PRKAG2: variants seen among roughly 807,000 people sequenced by gnomAD.
PRKAG2 encodes the protein 5'-AMP-activated protein kinase subunit gamma-2.
Under a neutral mutation model 69.6 loss-of-function variants are expected in PRKAG2, and 26 were observed. The ratio of observed to expected loss-of-function variants is 0.37; its 90% CI spans 0.27 to 0.52. The LOEUF is 0.52. Ranked by LOEUF, PRKAG2 falls within the 20% of genes least tolerant of loss-of-function variation. The pLI, the probability that PRKAG2 is intolerant of heterozygous loss-of-function variation, is 0.90. For synonymous variants in PRKAG2, 293 were observed against 285.0 expected (o/e 1.03, Z -0.28); for missense variants, 557 against 740.0 (o/e 0.75, Z 2.87).
chr7:151,809,004 A>G (rs2151849792), intron 1 of PRKAG2, among the ~76,000 whole-genome samples: 1 of 152,172 alleles, frequency 6.6e-6, no homozygotes, highest in Non-Finnish European at 1.5e-5. Context: ...CCTTCCTTCC[A>G]ATCGTCCCCC....
At chr7:151,799,237 C>T (rs1309431241) in intron 1 of PRKAG2, among the ~76,000 whole-genome samples, 1 of 152,214 alleles carries the variant, frequency 6.6e-6, no homozygotes, top group East Asian at 1.9e-4. Context: ...CTCAGAGCCA[C>T]ATGGTAGAGC....
At chr7:151,671,048 C>A (rs781054920) in intron 4 of PRKAG2, among the ~76,000 whole-genome samples, 2 of 151,928 alleles carry the variant, frequency 1.3e-5, no homozygotes, top group African/African-American at 2.4e-5. Flanking sequence ...GTGGTGCATG[C>A]CTGTAGCCCC....
rs1352743959 is a variant in PRKAG2 at position 151,559,731 on chromosome 7, T to C, written c.1678+793A>G. The stretch of plus-strand genomic sequence containing the variant: ...ACTGTAGCACACACACCGTTTAATA[T>C]TGGATTCTGAGAGTTCAAAGGGCAT... On this transcript the variant is annotated intron_variant, in intron 15 of 15. Transcript: ENST00000287878. 9.1e-6 allele frequency: 9 copies of C among 985,402 alleles called. No individual in the cohort carries two copies. In the East Asian group the frequency reaches 7.9e-4, roughly 87 times the overall value. The allele number at this position is 985,402 out of a possible 1,614,324, so 61.0% of individuals were successfully genotyped here. A position where few individuals can be genotyped will look rare whatever the true frequency, so the allele number is the denominator to read the frequency against.
chr7:151,852,192 G>C (rs553804853), intron 1 of PRKAG2, among the ~76,000 whole-genome samples: 1 of 152,162 alleles, frequency 6.6e-6, no homozygotes, highest in Non-Finnish European at 1.5e-5. Flanking sequence ...GGCTAGGGGG[G>C]ACAGAACCCT....
At position 151,842,071 on chromosome 7, in the gene PRKAG2, T is replaced by G. The variant is rs560852885; in HGVS notation, c.114+34436A>C. 2.1e-5 allele frequency among the ~76,000 whole-genome samples: 3 copies of G among 140,044 alleles called. No homozygotes were observed. The South Asian group carries it at 8.2e-4, about 38-fold the overall frequency. The allele number at this position is 140,044 out of a possible 152,430, so 91.9% of individuals were successfully genotyped here. A position where few individuals can be genotyped will look rare whatever the true frequency, so the allele number is the denominator to read the frequency against. ...TGGTAGGTAGGGATGGTAGTGATGG[T>G]AGGTAGTGATGATGGTAGTGATGGT... On this transcript the variant is annotated intron_variant, in intron 1 of 15. Coordinates refer to ENST00000287878, the MANE Select transcript of PRKAG2 (RefSeq NM_016203.4).
chr7:151,725,779 G>T (rs889174228), intron 3 of PRKAG2, among the ~76,000 whole-genome samples: 1 of 152,166 alleles, frequency 6.6e-6, no homozygotes, highest in African/African-American at 2.4e-5. Context: ...CACAGGGGCT[G>T]GTCTGCACCC....
rs2075083356 is a variant in PRKAG2, at chr7:151,756,352, G to A, written c.466+24800C>T. Among the ~76,000 whole-genome samples, 1 of 152,216 alleles carries A rather than the reference G, an allele frequency of 6.6e-6. No homozygotes were observed. The highest frequency in any genetic ancestry group is 1.9e-4 in the East Asian group (1 of 5,192). The stretch of plus-strand genomic sequence containing the variant: ...CCTCTCTGCCTCTGAGGCACCAAAG[G>A]TTTCCTGTCCTTGCAATGCTGGGAG... On this transcript the variant is annotated intron_variant, in intron 3 of 15. Transcript: ENST00000287878. This position sits in a 1 kb window ranked among gnomAD's most constrained non-coding sequence, Gnocchi z 4.9.
chr7:151,564,028 G>C lies in PRKAG2; in HGVS notation c.1584+50C>G, dbSNP rs189959222. 38 of 1,612,060 alleles carry C rather than the reference G, an allele frequency of 2.4e-5. 1 individual carries two copies. In the Admixed American group the frequency reaches 5.7e-4, roughly 24 times the overall value. On this transcript the variant is annotated intron_variant, in intron 14 of 15. Coordinates refer to ENST00000287878, the MANE Select transcript of PRKAG2 (RefSeq NM_016203.4). ...TCCAGAGGCATCATTCACTACTGGG[G>C]ACTTGTTGCAGTGGACGTCGGGGGA... is the stretch of plus-strand genomic sequence containing the variant.
chr7:151,831,762 G>A (rs545465373), intron 1 of PRKAG2, among the ~76,000 whole-genome samples: 1 of 152,118 alleles, frequency 6.6e-6, no homozygotes, highest in Non-Finnish European at 1.5e-5. Flanking sequence ...CTGTGTGCCC[G>A]ACAGGTGCTG....
At chr7:151,617,654 C>T (rs1207861445) in intron 5 of PRKAG2, among the ~76,000 whole-genome samples, 1 of 151,480 alleles carries the variant, frequency 6.6e-6, no homozygotes, top group South Asian at 2.1e-4. Context: ...AGAAAAAAAC[C>T]CCCATATTCA....
intron 1 of PRKAG2, among the ~76,000 whole-genome samples, chr7:151,861,778 C>G (rs944853106): frequency 4.0e-5 from 6 of 151,890 alleles, no homozygotes; most frequent in African/African-American, 1.5e-4. Flanking sequence ...TGTATTTTAC[C>G]GGTGAGGAAA....
intron 1 of PRKAG2, among the ~76,000 whole-genome samples, chr7:151,843,559 C>T (rs1280123523): frequency 6.6e-6 from 1 of 152,168 alleles, no homozygotes; most frequent in East Asian, 1.9e-4. Flanking sequence ...GGTGTGTTTT[C>T]AAAGAGAATA....
rs781038088 is a variant in PRKAG2, at chr7:151,632,127, C to T, written c.696G>A (p.Ala232=). Reference sequence around the variant, plus strand: ...CGGCTTCCGCGGGTCCCAGGGCCGCCGCCAGCGCCGCCTGAGGGGGAGGAG... The same window carrying T: ...CGGCTTCCGCGGGTCCCAGGGCCGCTGCCAGCGCCGCCTGAGGGGGAGGAG... ...HYAPSKAAAL[A]AALGPAEAGM... The change falls in exon 5 of 16, where the codon GCG becomes GCA. Residue 232 remains alanine, a synonymous_variant. Transcript: ENST00000287878. This position sits in a 1 kb window ranked among gnomAD's most constrained non-coding sequence, Gnocchi z 4.2. 7 of 1,403,986 alleles carry T rather than the reference C, an allele frequency of 5.0e-6. No homozygotes were observed. The Admixed American group carries it at 6.4e-5, about 13-fold the overall frequency. 87.0% of individuals were successfully genotyped at this position (1,403,986 alleles called of 1,614,324 possible). A position where few individuals can be genotyped will look rare whatever the true frequency, so the allele number is the denominator to read the frequency against.
intron 4 of PRKAG2, among the ~76,000 whole-genome samples, chr7:151,671,871 T>G (rs1832094752): frequency 6.6e-6 from 1 of 152,230 alleles, no homozygotes; most frequent in African/African-American, 2.4e-5. Flanking sequence ...CTTCCATTCC[T>G]TGAAATACAC....
chr7:151,616,513 G>A (rs913708937), intron 5 of PRKAG2, among the ~76,000 whole-genome samples: 1 of 152,220 alleles, frequency 6.6e-6, no homozygotes, highest in Admixed American at 6.5e-5. Context: ...AACTACTGCA[G>A]GAATAGGCCA....
At chr7:151,568,073 A>C (rs1001599052) in intron 11 of PRKAG2, among the ~76,000 whole-genome samples, 1 of 152,268 alleles carries the variant, frequency 6.6e-6, no homozygotes, top group Non-Finnish European at 1.5e-5. Flanking sequence ...AAAGACAAAC[A>C]TAAAAAGCCT....
At chr7:151,786,392 T>G (rs1586528605) in intron 2 of PRKAG2, 78 bp downstream of exon 2, 1 of 1,370,924 alleles carries the variant, frequency 7.3e-7, no homozygotes, top group Non-Finnish European at 1.0e-6. Flanking sequence ...AACACACAGG[T>G]GGAAGTGGGC....
chr7:151,809,285 C>A (rs903812683), intron 1 of PRKAG2: 2 of 456,642 alleles, frequency 4.4e-6, no homozygotes, highest in Non-Finnish European at 4.4e-6. Context: ...TTCCCACACA[C>A]CCCTACCCCG....
chr7:151,794,009 T>C (rs2077376796), intron 1 of PRKAG2, among the ~76,000 whole-genome samples: 1 of 152,154 alleles, frequency 6.6e-6, no homozygotes, highest in African/African-American at 2.4e-5. Flanking sequence ...CTAAGCAACT[T>C]CCTGATGTCA....
Sources: allele counts gnomAD v4.1 joint callset (sites outside exome capture counted in the v4.1 genomes callset), GRCh38; gene constraint gnomAD v4.1.1; non-coding constraint Gnocchi (gnomAD v3.1); transcripts MANE v1.5; gene names NCBI Gene and HGNC (gene_info 2026-07-23, HGNC 2026-07-21).